Variants in GRIA2 observed in about 807,000 individuals in gnomAD.
GRIA2 encodes glutamate ionotropic receptor AMPA type subunit 2, also known as glutamate receptor 2.
GRIA2 carries 14 observed loss-of-function variants against 97.3 expected under a neutral mutation model. The observed-to-expected ratio is 0.14, with a 90% CI of 0.10 to 0.23. The LOEUF is 0.23. Ranked by LOEUF, GRIA2 falls within the 10% of genes least tolerant of loss-of-function variation. GRIA2 has a pLI of 1.00. For synonymous variants in GRIA2, 412 were observed against 387.8 expected (o/e 1.06, Z -0.73); for missense variants, 558 against 1,069.8 (o/e 0.52, Z 6.67).
At chr4:157,269,473 C>G (rs1049997948) in intron 2 of GRIA2, among the ~76,000 whole-genome samples, 1 of 151,906 alleles carries the variant, frequency 6.6e-6, no homozygotes, top group African/African-American at 2.4e-5. Flanking sequence ...GTAAACGTAC[C>G]TCTGAAAGCT....
intron 2 of GRIA2, among the ~76,000 whole-genome samples, chr4:157,256,224 A>ATG (rs759076159): frequency 1.8e-4 from 22 of 121,380 alleles, no homozygotes; most frequent in East Asian, 1.0e-3. Context: ...TATATAATAT[A>ATG]TAATATATAA....
intron 13 of GRIA2, chr4:157,360,692 G>A (rs765784040): frequency 1.6e-5 from 8 of 489,370 alleles, no homozygotes; most frequent in Middle Eastern, 3.1e-4. Flanking sequence ...CTATTTTGTC[G>A]TTTGTTTTTT....
At chr4:157,289,395 G>C (rs1732992678) in intron 2 of GRIA2, among the ~76,000 whole-genome samples, 1 of 151,776 alleles carries the variant, frequency 6.6e-6, no homozygotes. Flanking sequence ...ATTGTCTAGA[G>C]TATCAAAATC....
Position 157,364,158 on chromosome 4 carries a change from G to A in GRIA2, c.*727G>A, listed in dbSNP as rs566016394. On this transcript the variant is annotated 3_prime_UTR_variant, in exon 16 of 16. Transcript: ENST00000264426. ...AAATGCTAAGGAAAGTAAACAAAGA[G>A]GAGATTCCAATCTTGTAATTTAATA... 1.3e-5 allele frequency: 2 copies of A among 152,460 alleles called. No individual in the cohort carries two copies. Among genetic ancestry groups the A allele is most frequent in the East Asian group, 1.9e-4 (1 of 5,156 alleles). The allele number at this position is 152,460 out of a possible 1,614,324, so 9.4% of individuals were successfully genotyped here.
chr4:157,352,253 G>T (rs1736040718), intron 12 of GRIA2, among the ~76,000 whole-genome samples: 1 of 152,038 alleles, frequency 6.6e-6, no homozygotes, highest in Non-Finnish European at 1.5e-5. Flanking sequence ...TTGAAAATTT[G>T]GATATCCAGG....
rs1055080081 is a variant in GRIA2 at position 157,279,483 on chromosome 4, G to C, written c.230-24069G>C. Reference sequence around the variant, plus strand: ...CAAAGTACAGAGAATTTTTGGGGAAGTTGGGTGATATTATGTTTCAATGTA... The same window carrying C: ...CAAAGTACAGAGAATTTTTGGGGAACTTGGGTGATATTATGTTTCAATGTA... On this transcript the variant is annotated intron_variant, in intron 2 of 15. Coordinates refer to ENST00000264426, the MANE Select transcript of GRIA2 (RefSeq NM_001083619.3). 2.0e-5 allele frequency among the ~76,000 whole-genome samples: 3 copies of C among 152,082 alleles called. 1 individual carries two copies. The highest frequency in any genetic ancestry group is 6.3e-3 in the Middle Eastern group (2 of 316).
At position 157,364,772 on chromosome 4, in the gene GRIA2, C is replaced by T. The variant is rs1200838659; in HGVS notation, c.*1341C>T. The T allele has an allele frequency of 6.6e-6, 1 of 151,940 alleles. No homozygotes were observed. The highest frequency in any genetic ancestry group is 2.4e-5 in the African/African-American group (1 of 41,358). 9.4% of individuals were successfully genotyped at this position (151,940 alleles called of 1,614,324 possible). On this transcript the variant is annotated 3_prime_UTR_variant, in exon 16 of 16. Coordinates refer to ENST00000264426, the MANE Select transcript of GRIA2 (RefSeq NM_001083619.3). ...TGAATTTTAAAATATGTTTGAGTCT[C>T]CTGCAATATAGTTTCATCCCATTGA...
intron 11 of GRIA2, among the ~76,000 whole-genome samples, chr4:157,338,610 G>A (rs746192380): frequency 6.6e-6 from 1 of 152,034 alleles, no homozygotes; most frequent in South Asian, 2.1e-4. Flanking sequence ...TCATTCATGA[G>A]TCATGACACT....
rs565235810 is a variant in GRIA2, at chr4:157,254,608, A to G, written c.229+32801A>G. On this transcript the variant is annotated intron_variant, in intron 2 of 15. Coordinates refer to ENST00000264426, the MANE Select transcript of GRIA2 (RefSeq NM_001083619.3). ...AAATATCCAGCAAACATGTTAAGAAACTGTCAAATTGATAATATTATATAT... is the reference window on the plus strand; with the variant it reads ...AAATATCCAGCAAACATGTTAAGAAGCTGTCAAATTGATAATATTATATAT... Among the ~76,000 whole-genome samples the G allele has an allele frequency of 7.9e-5, 12 of 152,158 alleles. No homozygotes were observed. In the South Asian group the frequency reaches 2.3e-3, roughly 29 times the overall value.
rs902909242 is a variant in GRIA2, at chr4:157,326,276, A to G, written c.882+4677A>G. Among the ~76,000 whole-genome samples the G allele has an allele frequency of 3.3e-5, 5 of 152,162 alleles. No individual in the cohort carries two copies. The East Asian group carries it at 5.8e-4, about 18-fold the overall frequency. ...AGTAGGCTATGTATTTAAAACTGCA[A>G]TCTTGCCACCATCAGGGTTTGTGCA... On this transcript the variant is annotated intron_variant, in intron 6 of 15. Transcript: ENST00000264426.
chr4:157,297,398 TA>T (rs1423044638), intron 2 of GRIA2, among the ~76,000 whole-genome samples: 1 of 152,146 alleles, frequency 6.6e-6, no homozygotes, highest in African/African-American at 2.4e-5. Context: ...AAATAGTTAA[TA>T]TCAACATTAA....
chr4:157,246,581 A>T (rs1730743279), intron 2 of GRIA2, among the ~76,000 whole-genome samples: 1 of 152,042 alleles, frequency 6.6e-6, no homozygotes, highest in African/African-American at 2.4e-5. Context: ...TATCAAGTTC[A>T]TTGGGATTGG....
chr4:157,250,856 A>G (rs1730988527), intron 2 of GRIA2, among the ~76,000 whole-genome samples: 1 of 152,094 alleles, frequency 6.6e-6, no homozygotes, highest in Admixed American at 6.6e-5. Flanking sequence ...TCATGATCCC[A>G]GGGGACATTT....
chr4:157,267,700 G>A (rs1002737111), intron 2 of GRIA2, among the ~76,000 whole-genome samples: 2 of 151,932 alleles, frequency 1.3e-5, no homozygotes, highest in African/African-American at 4.8e-5. Context: ...TTGTCCTTGG[G>A]AATTTTTTGC....
chr4:157,274,101 T>C (rs1055419608), intron 2 of GRIA2, among the ~76,000 whole-genome samples: 2 of 151,898 alleles, frequency 1.3e-5, no homozygotes, highest in Non-Finnish European at 2.9e-5. Context: ...AAACCACTAG[T>C]GTAGATTTAT....
intron 2 of GRIA2, among the ~76,000 whole-genome samples, chr4:157,297,983 T>C (rs539791684): frequency 2.6e-5 from 4 of 152,106 alleles, no homozygotes; most frequent in African/African-American, 4.8e-5. Flanking sequence ...TTGGAAAATA[T>C]TTGCATAAGG....
At chr4:157,248,105 A>T (rs907224879) in intron 2 of GRIA2, among the ~76,000 whole-genome samples, 1 of 151,328 alleles carries the variant, frequency 6.6e-6, no homozygotes, top group Non-Finnish European at 1.5e-5. Flanking sequence ...TTTTATATAT[A>T]TATCAAAATT....
chr4:157,288,307 T>C (rs967004578), intron 2 of GRIA2, among the ~76,000 whole-genome samples: 3 of 151,576 alleles, frequency 2.0e-5, no homozygotes, highest in African/African-American at 7.3e-5. Flanking sequence ...CCAAAACCAG[T>C]TTACATTTTT....
At chr4:157,303,893 A>G (rs911783396) in intron 3 of GRIA2, 102 bp downstream of exon 3, 25 of 1,221,628 alleles carry the variant, frequency 2.0e-5, no homozygotes, top group Non-Finnish European at 2.7e-5. Context: ...ATAAAGCCCA[A>G]GGATCCCTTG....
Sources: allele counts gnomAD v4.1 joint callset (sites outside exome capture counted in the v4.1 genomes callset), GRCh38; gene constraint gnomAD v4.1.1; transcripts MANE v1.5; gene names NCBI Gene and HGNC (gene_info 2026-07-23, HGNC 2026-07-21).